EBF1: variants seen among roughly 807,000 people sequenced by gnomAD.
EBF1 encodes the protein EBF transcription factor 1, also known as transcription factor COE1.
EBF1 carries 10 observed loss-of-function variants against 68.4 expected under a neutral mutation model. The ratio of observed to expected loss-of-function variants is 0.15; its 90% CI spans 0.09 to 0.25. The LOEUF (loss-of-function observed/expected upper bound fraction) is 0.25. EBF1 is among the 10% of genes least tolerant of loss of function. The pLI, the probability that EBF1 is intolerant of heterozygous loss-of-function variation, is 1.00. For synonymous variants in EBF1, 298 were observed against 299.8 expected (o/e 0.99, Z 0.06); for missense variants, 509 against 794.4 (o/e 0.64, Z 4.32).
At chr5:158,775,219 TTA>T (rs931516997) in intron 10 of EBF1, among the ~76,000 whole-genome samples, 2 of 152,116 alleles carry the variant, frequency 1.3e-5, no homozygotes, top group African/African-American at 4.8e-5. Flanking sequence ...ATTTTTTTTT[TTA>T]GTGTTTAAAA....
intron 6 of EBF1, among the ~76,000 whole-genome samples, chr5:158,921,747 C>T (rs1204709889): frequency 2.0e-5 from 3 of 152,302 alleles, no homozygotes; most frequent in South Asian, 2.1e-4. Flanking sequence ...CACTCCACTT[C>T]CAACCCTGGT....
intron 6 of EBF1, among the ~76,000 whole-genome samples, chr5:159,006,638 T>C (rs1456118794): frequency 6.6e-5 from 5 of 76,086 alleles, no homozygotes; most frequent in Non-Finnish European, 2.4e-5. Context: ...TAACCAATCA[T>C]AGCCATGTTA....
intron 6 of EBF1, among the ~76,000 whole-genome samples, chr5:158,882,668 G>C (rs1799113258): frequency 6.6e-6 from 1 of 152,198 alleles, no homozygotes; most frequent in African/African-American, 2.4e-5. Flanking sequence ...GGATAGGAAA[G>C]TAATGGTCAA....
chr5:158,877,196 C>T (rs1025018422), intron 6 of EBF1, among the ~76,000 whole-genome samples: 1 of 152,180 alleles, frequency 6.6e-6, no homozygotes, highest in Admixed American at 6.5e-5. Flanking sequence ...AGAGGAAATC[C>T]AGTAACTGAA....
chr5:158,962,707 A>T (rs1226727090), intron 6 of EBF1, among the ~76,000 whole-genome samples: 1 of 152,232 alleles, frequency 6.6e-6, no homozygotes, highest in Admixed American at 6.5e-5. Context: ...TTCAGGGTGA[A>T]GAACAGTATA....
At chr5:158,910,132 A>C (rs1251536216) in intron 6 of EBF1, among the ~76,000 whole-genome samples, 3 of 152,108 alleles carry the variant, frequency 2.0e-5, no homozygotes, top group African/African-American at 7.2e-5. Context: ...AATTTGTCTG[A>C]CATTTTTGTT....
intron 10 of EBF1, among the ~76,000 whole-genome samples, chr5:158,767,198 G>A (rs1772898132): frequency 1.3e-5 from 2 of 152,086 alleles, no homozygotes; most frequent in Admixed American, 1.3e-4. Context: ...TTAGAAGTAA[G>A]TACTCAAAAA....
rs964400964 is a variant in EBF1, at chr5:158,707,620, G to A, written c.1744+359C>T. ...ACCCTGCACTGGAGAACTTGCTAGA[G>A]TCCACAAAAGACTGATCTGATAATG... On this transcript the variant is annotated intron_variant, in intron 15 of 15. Transcript: ENST00000313708. 4.6e-5 allele frequency: 13 copies of A among 283,382 alleles called. No homozygotes were observed. The East Asian group carries it at 6.3e-4, about 14-fold the overall frequency. The allele number at this position is 283,382 out of a possible 1,614,324, so 17.6% of individuals were successfully genotyped here. A position where few individuals can be genotyped will look rare whatever the true frequency, so the allele number is the denominator to read the frequency against.
In EBF1 at chr5:158,714,108, A is replaced by G. The variant is rs763834569; in HGVS notation, c.1191+9T>C. ...CAGTCCACACAGGCTAGACACCCAC[A>G]GCGCTCACCTGGTTGTTGTGTGGCA... On this transcript the variant is annotated intron_variant, in intron 12 of 15. Coordinates refer to ENST00000313708, the MANE Select transcript of EBF1 (RefSeq NM_024007.5). 5.0e-6 allele frequency: 8 copies of G among 1,614,064 alleles called. No individual in the cohort carries two copies. The highest frequency in any genetic ancestry group is 6.8e-6 in the Non-Finnish European group (8 of 1,179,976).
intron 6 of EBF1, among the ~76,000 whole-genome samples, chr5:158,845,525 G>A (rs1791291202): frequency 6.6e-6 from 1 of 152,140 alleles, no homozygotes; most frequent in Non-Finnish European, 1.5e-5. Context: ...CATAGAGGAA[G>A]TGATAATTAT....
rs551415936 is a variant in EBF1, at chr5:158,715,265, T to C, written c.1126-1083A>G. Among the ~76,000 whole-genome samples, 22 of 152,352 alleles carry C rather than the reference T, an allele frequency of 1.4e-4. No homozygotes were observed. The South Asian group carries it at 3.3e-3, about 23-fold the overall frequency. On this transcript the variant is annotated intron_variant, in intron 11 of 15. Coordinates refer to ENST00000313708, the MANE Select transcript of EBF1 (RefSeq NM_024007.5). ...GTGTAACTTTAAATATTTTACACAA[T>C]AGATTTCTACATGGAGAAGCAGTGC...
At position 159,038,149 on chromosome 5, in the gene EBF1, G is replaced by A. The variant is rs1264611424; in HGVS notation, c.554+35247C>T. On this transcript the variant is annotated intron_variant, in intron 6 of 15. Transcript: ENST00000313708. ...CAAGACCATTTCATTTCTTATCTCGGCAGTCCTTTCTCCCTAAACTCACGG... is the reference window on the plus strand; with the variant it reads ...CAAGACCATTTCATTTCTTATCTCGACAGTCCTTTCTCCCTAAACTCACGG... Among the ~76,000 whole-genome samples the A allele has an allele frequency of 9.2e-5, 14 of 152,024 alleles. 1 individual carries two copies. The highest frequency in any genetic ancestry group is 1.5e-5 in the Non-Finnish European group (1 of 68,014).
chr5:159,097,727 G>A (rs1314372932), intron 1 of EBF1: 5 of 233,308 alleles, frequency 2.1e-5, no homozygotes, highest in Non-Finnish European at 4.2e-5. Flanking sequence ...GCGGGTGGTC[G>A]CTGTGAAAAA....
chr5:158,913,266 C>A (rs1583113679), intron 6 of EBF1, among the ~76,000 whole-genome samples: 1 of 152,130 alleles, frequency 6.6e-6, no homozygotes, highest in African/African-American at 2.4e-5. Flanking sequence ...TCAAAGTAAT[C>A]AGTGAAATTA....
intron 8 of EBF1, among the ~76,000 whole-genome samples, chr5:158,817,813 GTC>G (rs1784059883): frequency 6.6e-6 from 1 of 152,160 alleles, no homozygotes; most frequent in African/African-American, 2.4e-5. Context: ...CAAGGACTGA[GTC>G]TGCATTATCC....
chr5:159,067,208 T>C (rs1776998346), intron 6 of EBF1, among the ~76,000 whole-genome samples: 1 of 152,174 alleles, frequency 6.6e-6, no homozygotes, highest in Non-Finnish European at 1.5e-5. Flanking sequence ...TTTAATATAC[T>C]CATATATTCT....
chr5:158,741,936 G>A (rs1427318740), intron 10 of EBF1, among the ~76,000 whole-genome samples: 1 of 152,174 alleles, frequency 6.6e-6, no homozygotes, highest in East Asian at 1.9e-4. Context: ...AACTCTATAA[G>A]GAGGTACTAT....
In EBF1 at chr5:158,973,037, C is replaced by A. The variant is rs182176547; in HGVS notation, c.554+100359G>T. ...CAGCCCCTCCCCAAATATTTCTTCA[C>A]CCTATTTCCCAAACTATTTTCCTTG... On this transcript the variant is annotated intron_variant, in intron 6 of 15. Coordinates refer to ENST00000313708, the MANE Select transcript of EBF1 (RefSeq NM_024007.5). 1.1e-4 allele frequency among the ~76,000 whole-genome samples: 17 copies of A among 152,344 alleles called. No individual in the cohort carries two copies. In the East Asian group the frequency reaches 2.5e-3, roughly 22 times the overall value.
At chr5:159,057,151 G>A (rs1421548624) in intron 6 of EBF1, among the ~76,000 whole-genome samples, 1 of 138,832 alleles carries the variant, frequency 7.2e-6, no homozygotes, top group Admixed American at 7.8e-5. Flanking sequence ...CTGTCACCCA[G>A]GCTGAAGTGC....
Sources: allele counts gnomAD v4.1 joint callset (sites outside exome capture counted in the v4.1 genomes callset), GRCh38; gene constraint gnomAD v4.1.1; transcripts MANE v1.5; gene names NCBI Gene and HGNC (gene_info 2026-07-23, HGNC 2026-07-21).